RCOR1: variants seen among roughly 807,000 people sequenced by gnomAD.
RCOR1 encodes the protein REST corepressor.
In RCOR1, 12 loss-of-function variants were observed where a neutral mutation model predicts 64.0. The observed-to-expected ratio is 0.19, with a 90% CI of 0.12 to 0.30. RCOR1 has a LOEUF of 0.30. Ranked by LOEUF, RCOR1 falls within the 10% of genes least tolerant of loss-of-function variation. The probability of loss-of-function intolerance (pLI) is 1.00; values close to 1 mark genes in which losing one functional copy is unlikely to be tolerated. For missense variants in RCOR1, 502 were observed against 621.2 expected (o/e 0.81, Z 2.04); for synonymous variants, 279 against 227.2 (o/e 1.23, Z -2.05).
At chr14:102,710,526 CAATGCAGTGGAAA>C (rs752708525) in intron 6 of RCOR1, among the ~76,000 whole-genome samples, 6 of 152,108 alleles carry the variant, frequency 3.9e-5, no homozygotes, top group African/African-American at 1.4e-4. Flanking sequence ...GGTTTATTCC[CAATGCAGTGGAAA>C]TTTATTCTCC....
rs777646224 is a variant in RCOR1 at position 102,592,977 on chromosome 14, T to G, written c.91T>G (p.Ser31Ala). 4.1e-5 allele frequency: 47 copies of G among 1,153,630 alleles called. No individual in the cohort carries two copies. Among genetic ancestry groups the G allele is most frequent in the South Asian group, 9.8e-5 (3 of 30,468 alleles). The allele number at this position is 1,153,630 out of a possible 1,614,324, so 71.5% of individuals were successfully genotyped here. Residue 31 changes from serine (S) to alanine (A), a missense_variant, in exon 1 of 12, where the codon TCC (serine) becomes GCC (alanine). By Grantham distance (99) the Ser-to-Ala change is moderately conservative. Around this residue, in one of 2 missense-constraint regions of RCOR1, gnomAD observed 242 missense variants for 204.9 expected, o/e 1.18. Coordinates refer to ENST00000262241, the MANE Select transcript of RCOR1 (RefSeq NM_015156.4). ...AAASASAAAA[S>A]AAASAACASP... is the part of the protein sequence containing the mutation. ...CGCCTCCGCCTCCGCCGCCGCCGCC[T>G]CCGCCGCCGCCTCGGCCGCCTGCGC...
chr14:102,609,312 G>A (rs1180234009), intron 2 of RCOR1, among the ~76,000 whole-genome samples: 5 of 151,964 alleles, frequency 3.3e-5, no homozygotes, highest in Non-Finnish European at 7.4e-5. Context: ...CAAAGTGCTG[G>A]GATTACAGAT....
intron 2 of RCOR1, among the ~76,000 whole-genome samples, chr14:102,603,543 T>TG (rs928896437): frequency 6.6e-6 from 1 of 152,156 alleles, no homozygotes; most frequent in African/African-American, 2.4e-5. Flanking sequence ...GTCTTAACCC[T>TG]GGCCCAGGGG....
intron 2 of RCOR1, among the ~76,000 whole-genome samples, chr14:102,668,299 G>C (rs1331714337): frequency 1.3e-5 from 2 of 152,182 alleles, no homozygotes; most frequent in Non-Finnish European, 2.9e-5. Flanking sequence ...TTGTGGTGAT[G>C]CTAATGAGAA....
Position 102,639,927 on chromosome 14 carries a change from A to G in RCOR1, c.362-41968A>G, listed in dbSNP as rs577285893. Among the ~76,000 whole-genome samples, 24 of 150,288 alleles carry G rather than the reference A, an allele frequency of 1.6e-4. No homozygotes were observed. The South Asian group carries it at 2.6e-3, about 16-fold the overall frequency. ...AATGGCATGACCTCGGCTCACTGCA[A>G]CCTCCGCCTCCTGGGTTCAAGTGAT... is the stretch of plus-strand genomic sequence containing the variant. On this transcript the variant is annotated intron_variant, in intron 2 of 11. Coordinates refer to ENST00000262241, the MANE Select transcript of RCOR1 (RefSeq NM_015156.4).
chr14:102,695,257 C>A (rs2139973182), intron 3 of RCOR1: 1 of 152,340 alleles, frequency 6.6e-6, no homozygotes, highest in South Asian at 2.1e-4. Context: ...TCATCAACCA[C>A]AGTTCTATTA....
intron 2 of RCOR1, among the ~76,000 whole-genome samples, chr14:102,653,252 A>C (rs565757407): frequency 2.1e-4 from 32 of 151,078 alleles, no homozygotes; most frequent in African/African-American, 6.8e-4. Flanking sequence ...GACTTGTCTT[A>C]CTTTCACCCA....
intron 2 of RCOR1, among the ~76,000 whole-genome samples, chr14:102,678,241 G>GAGGGAGAGGGAA (rs1201314900): frequency 1.3e-5 from 2 of 151,742 alleles, no homozygotes; most frequent in East Asian, 3.9e-4. Context: ...GGGAGAGGGA[G>GAGGGAGAGGGAA]AGCTGTTTCA....
chr14:102,686,408 G>T (rs1329500311), intron 3 of RCOR1, among the ~76,000 whole-genome samples: 1 of 152,028 alleles, frequency 6.6e-6, no homozygotes, highest in African/African-American at 2.4e-5. Flanking sequence ...TCCACCAAAG[G>T]GATACGTTTG....
intron 3 of RCOR1, among the ~76,000 whole-genome samples, chr14:102,686,675 T>C (rs1207919097): frequency 1.3e-5 from 2 of 152,256 alleles, no homozygotes; most frequent in Non-Finnish European, 1.5e-5. Context: ...TGGAATCATA[T>C]AGTATGTAGC....
chr14:102,625,124 C>T (rs1567412413), intron 2 of RCOR1, among the ~76,000 whole-genome samples: 1 of 151,956 alleles, frequency 6.6e-6, no homozygotes, highest in African/African-American at 2.4e-5. Context: ...ATCCTCTTGC[C>T]TGGGCCTCCC....
intron 2 of RCOR1, among the ~76,000 whole-genome samples, chr14:102,632,663 CCTTTCCTTT>C: frequency 1.8e-5 from 1 of 56,946 alleles, no homozygotes; most frequent in Non-Finnish European, 4.2e-5. Flanking sequence ...CCTTTCCTTT[CCTTTCCTTT>C]CCTTTCCTTT....
At chr14:102,615,488 G>A (rs1199610540) in intron 2 of RCOR1, among the ~76,000 whole-genome samples, 1 of 139,514 alleles carries the variant, frequency 7.2e-6, no homozygotes, top group African/African-American at 2.7e-5. Context: ...CGCTCTTGTC[G>A]CTCAGGCTGG....
chr14:102,664,903 T>C (rs1480977049), intron 2 of RCOR1, among the ~76,000 whole-genome samples: 1 of 152,206 alleles, frequency 6.6e-6, no homozygotes, highest in African/African-American at 2.4e-5. Context: ...AACTTTAAGA[T>C]GGTACAAAAG....
chr14:102,670,482 T>G (rs1321751321), intron 2 of RCOR1, among the ~76,000 whole-genome samples: 2 of 152,126 alleles, frequency 1.3e-5, no homozygotes, highest in African/African-American at 4.8e-5. Context: ...GTGAATGTAA[T>G]GACCCTATAT....
At chr14:102,713,528 C>T (rs987673038) in intron 7 of RCOR1, among the ~76,000 whole-genome samples, 4 of 151,812 alleles carry the variant, frequency 2.6e-5, no homozygotes, top group African/African-American at 4.8e-5. Flanking sequence ...GTGATCCGCC[C>T]GCCTCAGCCT....
rs1894575119 is a variant in RCOR1, at chr14:102,650,898, AATATTT to A, written c.362-30996_362-30991del. On this transcript the variant is annotated intron_variant, in intron 2 of 11. Transcript: ENST00000262241. ...TTAGAGCACTTACTCTTAGATGTTA[AATATTT>A]GGTTTGCTCTTTATTGAATAACTTA... 4 of 620,366 alleles carry A rather than the reference AATATTT, an allele frequency of 6.4e-6. No homozygotes were observed. The South Asian group carries it at 2.9e-4, about 45-fold the overall frequency. The allele number at this position is 620,366 out of a possible 1,614,324, so 38.4% of individuals were successfully genotyped here.
At chr14:102,640,584 A>G (rs1321170931) in intron 2 of RCOR1, among the ~76,000 whole-genome samples, 1 of 152,246 alleles carries the variant, frequency 6.6e-6, no homozygotes, top group Non-Finnish European at 1.5e-5. Context: ...TAAAATAACT[A>G]AATTTCAAAA....
chr14:102,617,948 C>A (rs2139896505), intron 2 of RCOR1, among the ~76,000 whole-genome samples: 1 of 148,564 alleles, frequency 6.7e-6, no homozygotes, highest in Non-Finnish European at 1.5e-5. Flanking sequence ...GGATACTACA[C>A]TTACATAAGT....
Sources: allele counts gnomAD v4.1 joint callset (sites outside exome capture counted in the v4.1 genomes callset), GRCh38; gene constraint gnomAD v4.1.1; regional missense constraint gnomAD v4.1.1; transcripts MANE v1.5; gene names NCBI Gene and HGNC (gene_info 2026-07-23, HGNC 2026-07-21).